Variants in EYS observed in about 807,000 individuals in gnomAD.
EYS encodes protein eyes shut homolog.
A neutral mutation model predicts 282.1 loss-of-function variants in EYS; 250 were observed. The ratio of observed to expected loss-of-function variants is 0.89; its 90% CI spans 0.80 to 0.98. EYS has a LOEUF of 0.98. EYS is among the 50% of genes least tolerant of loss of function. The pLI is 0.00. For missense variants in EYS, 4,016 were observed against 3,709.0 expected, an observed-to-expected ratio of 1.08 and a Z score of -2.15; for synonymous variants, 1,355 against 1,282.9, an observed-to-expected ratio of 1.06 and a Z score of -1.20.
chr6:63,720,331 A>G lies in EYS; in HGVS notation c.*265T>C. The stretch of plus-strand genomic sequence containing the variant: ...AGGGATAGGTAAAAAGTGAATAAGC[A>G]AAGTGAATAAGCACATTCTGTGAAT... On this transcript the variant is annotated 3_prime_UTR_variant, in exon 43 of 43. Transcript: ENST00000503581. 1 of 406,940 alleles carries G rather than the reference A, an allele frequency of 2.5e-6. No individual in the cohort carries two copies. Among genetic ancestry groups the G allele is most frequent in the South Asian group, 1.1e-4 (1 of 9,478 alleles). The allele number at this position is 406,940 out of a possible 1,614,324, so 25.2% of individuals were successfully genotyped here.
chr6:64,027,852 C>T (rs1396226773), intron 33 of EYS, among the ~76,000 whole-genome samples: 1 of 152,174 alleles, frequency 6.6e-6, no homozygotes, highest in Admixed American at 6.5e-5. Context: ...TGTCATCACC[C>T]TCACTGAGCC....
At chr6:65,407,116 T>C (rs557847398) in intron 5 of EYS, among the ~76,000 whole-genome samples, 1 of 152,338 alleles carries the variant, frequency 6.6e-6, no homozygotes, top group East Asian at 1.9e-4. Context: ...TCCATTTCTT[T>C]GGCTATTCTT....
At chr6:65,162,643 C>T (rs1264231385) in intron 12 of EYS, among the ~76,000 whole-genome samples, 3 of 144,116 alleles carry the variant, frequency 2.1e-5, no homozygotes, top group African/African-American at 8.2e-5. Context: ...AAAACTATTA[C>T]ATAAATATAT....
chr6:65,584,055 C>T (rs1309771114), intron 2 of EYS, among the ~76,000 whole-genome samples: 1 of 152,048 alleles, frequency 6.6e-6, no homozygotes, highest in Non-Finnish European at 1.5e-5. Flanking sequence ...AAATATATTT[C>T]AGCCAGCTAT....
At chr6:64,686,720 C>T (rs532890769) in intron 22 of EYS, among the ~76,000 whole-genome samples, 4 of 130,400 alleles carry the variant, frequency 3.1e-5, no homozygotes, top group East Asian at 2.2e-4. Context: ...CCAGCCTGGG[C>T]GACAGAGCAA....
At chr6:64,789,660 C>G (rs1386205250) in intron 22 of EYS, among the ~76,000 whole-genome samples, 5 of 152,060 alleles carry the variant, frequency 3.3e-5, no homozygotes, top group African/African-American at 1.2e-4. Flanking sequence ...GTATCGAATT[C>G]TCTTTCTCCT....
At chr6:63,886,240 A>G (rs1773257834) in intron 35 of EYS, among the ~76,000 whole-genome samples, 1 of 152,216 alleles carries the variant, frequency 6.6e-6, no homozygotes, top group Admixed American at 6.5e-5. Context: ...ATTTTATTTC[A>G]AGGAACATTG....
intron 29 of EYS, among the ~76,000 whole-genome samples, chr6:64,357,688 A>G (rs1328309040): frequency 2.6e-5 from 4 of 151,542 alleles, no homozygotes; most frequent in South Asian, 4.1e-4. Flanking sequence ...AGGGACAGAG[A>G]ACAAGTTTTG....
intron 5 of EYS, among the ~76,000 whole-genome samples, chr6:65,459,996 ATATATATATAT>A (rs1764766159): frequency 3.0e-5 from 4 of 132,076 alleles, no homozygotes; most frequent in African/African-American, 1.2e-4. Context: ...ATATATATAT[ATATATATATAT>A]AATTTTATTG....
At chr6:65,320,817 G>A (rs532848347) in intron 11 of EYS, among the ~76,000 whole-genome samples, 2 of 152,242 alleles carry the variant, frequency 1.3e-5, no homozygotes, top group East Asian at 3.9e-4. Flanking sequence ...GGTGGCCTTA[G>A]CTAAGGCCAC....
intron 33 of EYS, among the ~76,000 whole-genome samples, chr6:64,056,705 T>C (rs1410152199): frequency 6.6e-6 from 1 of 152,206 alleles, no homozygotes; most frequent in South Asian, 2.1e-4. Context: ...TCTCAGGGCA[T>C]GGTTGAGTCT....
At chr6:64,368,505 G>T (rs1390897350) in intron 29 of EYS, among the ~76,000 whole-genome samples, 3 of 151,434 alleles carry the variant, frequency 2.0e-5, no homozygotes, top group Non-Finnish European at 3.0e-5. Flanking sequence ...TTGAGAAATT[G>T]CCAACTAATT....
chr6:65,557,981 G>A (rs1394004652), intron 2 of EYS, among the ~76,000 whole-genome samples: 1 of 152,090 alleles, frequency 6.6e-6, no homozygotes, highest in Non-Finnish European at 1.5e-5. Context: ...ATTGGTTCAT[G>A]GGTGGCCATG....
intron 19 of EYS, among the ~76,000 whole-genome samples, chr6:64,841,010 AT>A (rs1044393247): frequency 1.3e-5 from 2 of 151,914 alleles, no homozygotes; most frequent in African/African-American, 4.8e-5. Flanking sequence ...TTCAAACTTT[AT>A]TTTTTTCTTA....
chr6:65,115,966 A>ATCATCTATCTATCT lies in EYS; in HGVS notation c.2024-58240_2024-58239insAGATAGATAGATGA, dbSNP rs1554154790. 4.7e-4 allele frequency among the ~76,000 whole-genome samples: 68 copies of ATCATCTATCTATCT among 144,960 alleles called. 1 individual carries two copies. The highest frequency in any genetic ancestry group is 1.0e-3 in the Admixed American group (15 of 14,582). ...TGTCTGTCTGTCTGTCTGTCTATCTAATCTATCTATCTATCTATCTATCTA... is the reference window on the plus strand; with the variant it reads ...TGTCTGTCTGTCTGTCTGTCTATCTATCATCTATCTATCTATCTATCTATCTATCTATCTATCTA... On this transcript the variant is annotated intron_variant, in intron 12 of 42. Coordinates refer to ENST00000503581, the MANE Select transcript of EYS (RefSeq NM_001142800.2).
chr6:64,236,864 A>C (rs1766622772), intron 30 of EYS, among the ~76,000 whole-genome samples: 1 of 151,828 alleles, frequency 6.6e-6, no homozygotes, highest in Non-Finnish European at 1.5e-5. Context: ...ACCTAATGTA[A>C]ATGACGAGTT....
At chr6:64,689,050 A>T (rs1168617283) in intron 22 of EYS, among the ~76,000 whole-genome samples, 1 of 152,216 alleles carries the variant, frequency 6.6e-6, no homozygotes, top group Non-Finnish European at 1.5e-5. Flanking sequence ...TGCAGATGAC[A>T]TGATTGTATA....
chr6:64,940,426 A>T (rs938546245), intron 15 of EYS, among the ~76,000 whole-genome samples: 1 of 152,118 alleles, frequency 6.6e-6, no homozygotes, highest in Non-Finnish European at 1.5e-5. Context: ...AAGAAATACT[A>T]GAAAATTTAT....
intron 29 of EYS, among the ~76,000 whole-genome samples, chr6:64,335,454 A>G (rs1382187920): frequency 1.3e-5 from 2 of 152,012 alleles, no homozygotes; most frequent in African/African-American, 4.8e-5. Flanking sequence ...TTCTCTCAAG[A>G]TGTAAAGAAA....
Sources: gnomAD v4.1 joint callset for allele counts (sites outside exome capture counted in the v4.1 genomes callset) on GRCh38, gnomAD v4.1.1 for gene constraint, MANE v1.5 for transcripts, NCBI Gene and HGNC (gene_info 2026-07-23, HGNC 2026-07-21) for gene names.